The following PCDH17 variants were observed in gnomAD, a reference collection of about 807,000 sequenced individuals.
PCDH17 encodes the protein protocadherin-17.
PCDH17 carries 21 observed loss-of-function variants against 67.7 expected under a neutral mutation model. The ratio of observed to expected loss-of-function variants is 0.31; its 90% CI spans 0.22 to 0.45. The LOEUF (loss-of-function observed/expected upper bound fraction) is 0.45, where lower values mean the gene tolerates loss of function less well. Among genes scored for constraint, PCDH17 ranks in the 20% least tolerant of loss-of-function variants. The pLI is 1.00. For synonymous variants in PCDH17, 701 were observed against 656.7 expected (o/e 1.07, Z -1.03); for missense variants, 1,471 against 1,564.8 (o/e 0.94, Z 1.01).
At chr13:57,695,886 A>T (rs1201659432) in intron 3 of PCDH17, among the ~76,000 whole-genome samples, 1 of 151,358 alleles carries the variant, frequency 6.6e-6, no homozygotes, top group Admixed American at 6.6e-5. Context: ...TCTACCCGGG[A>T]TATATTGTTG....
chr13:57,665,760 C>CA (rs1368862829), intron 1 of PCDH17, among the ~76,000 whole-genome samples: 1 of 152,156 alleles, frequency 6.6e-6, no homozygotes. Context: ...AAAACAACCG[C>CA]AAAAACAAGC....
Position 57,632,383 on chromosome 13 carries a change from G to A in PCDH17, c.-164G>A, listed in dbSNP as rs1954736651. The A allele has an allele frequency of 4.5e-6, 3 of 661,138 alleles. No individual in the cohort carries two copies. The highest frequency in any genetic ancestry group is 3.6e-5 in the African/African-American group (2 of 54,804). The allele number at this position is 661,138 out of a possible 1,614,324, so 41.0% of individuals were successfully genotyped here. On this transcript the variant is annotated 5_prime_UTR_variant, in exon 1 of 4. Coordinates refer to ENST00000377918, the MANE Select transcript of PCDH17 (RefSeq NM_001040429.3). ...GTTCAGGGAACTTGAGCAGAATAAG[G>A]AGAGACCACCGGGTGCCGCAGCTCG...
chr13:57,659,047 ACT>A (rs1289282760), intron 1 of PCDH17, among the ~76,000 whole-genome samples: 1 of 150,034 alleles, frequency 6.7e-6, no homozygotes, highest in African/African-American at 2.5e-5. Flanking sequence ...ATATCTCATG[ACT>A]CTATCTATAA....
At chr13:57,695,654 A>G (rs1207413295) in intron 3 of PCDH17, among the ~76,000 whole-genome samples, 3 of 151,242 alleles carry the variant, frequency 2.0e-5, no homozygotes, top group Non-Finnish European at 4.5e-5. Context: ...TTCTGAAGAA[A>G]CATCAAATTA....
Position 57,704,118 on chromosome 13 carries a change from G to A in PCDH17, c.2798-20494G>A, listed in dbSNP as rs576318220. ...TTAGATACCTGTTCTCTGATTTCAA[G>A]ACTAAAATGAATAAGAATTCAGCTA... On this transcript the variant is annotated intron_variant, in intron 3 of 3. Transcript: ENST00000377918. Among the ~76,000 whole-genome samples, 5 of 152,152 alleles carry A rather than the reference G, an allele frequency of 3.3e-5. No individual in the cohort carries two copies. The East Asian group carries it at 9.7e-4, about 29-fold the overall frequency.
intron 3 of PCDH17, among the ~76,000 whole-genome samples, chr13:57,674,605 G>A (rs1955367023): frequency 6.6e-6 from 1 of 151,936 alleles, no homozygotes; most frequent in Admixed American, 6.6e-5. Flanking sequence ...GGGGTCACCA[G>A]TTAGAGCCAC....
chr13:57,698,481 C>T (rs545563048), intron 3 of PCDH17, among the ~76,000 whole-genome samples: 2 of 151,742 alleles, frequency 1.3e-5, no homozygotes, highest in East Asian at 1.9e-4. Flanking sequence ...GCTGCTTTCT[C>T]GATCCTTCCT....
Position 57,634,250 on chromosome 13 carries a change from G to A in PCDH17, c.1704G>A (p.Thr568=). ...CCGCGCACTTGGAGAGCAACGCCAC[G>A]GTGAGGGTGACAGTGCTAGACGTGA... ...GAPAHLESNA[T]VRVTVLDVND... is the part of the protein sequence containing the mutation. Residue 568 remains threonine, a synonymous_variant, in exon 1 of 4, where the codon ACG becomes ACA. Coordinates refer to ENST00000377918, the MANE Select transcript of PCDH17 (RefSeq NM_001040429.3). This position sits in a 1 kb window ranked among gnomAD's most constrained non-coding sequence, Gnocchi z 7.8. The A allele has an allele frequency of 6.2e-7, 1 of 1,613,268 alleles. No homozygotes were observed. The highest frequency in any genetic ancestry group is 8.5e-7 in the Non-Finnish European group (1 of 1,180,030).
rs756838637 is a variant in PCDH17 at position 57,651,430 on chromosome 13, C to G, written c.2566-15038C>G. On this transcript the variant is annotated intron_variant, in intron 1 of 3. Coordinates refer to ENST00000377918, the MANE Select transcript of PCDH17 (RefSeq NM_001040429.3). ...TGGCAGGAGTGCAGTGGCACGATCT[C>G]GGCTCATTGCAATCCTTTCACATCG... Among the ~76,000 whole-genome samples, 3 of 144,142 alleles carry G rather than the reference C, an allele frequency of 2.1e-5. No individual in the cohort carries two copies. The South Asian group carries it at 6.7e-4, about 32-fold the overall frequency. The allele number at this position is 144,142 out of a possible 152,430, so 94.6% of individuals were successfully genotyped here.
intron 3 of PCDH17, among the ~76,000 whole-genome samples, chr13:57,688,673 T>C (rs1046737545): frequency 2.6e-5 from 4 of 152,062 alleles, no homozygotes; most frequent in African/African-American, 9.7e-5. Flanking sequence ...AGCAGAAGAT[T>C]TGAAAGATTC....
At chr13:57,665,126 A>T (rs1020978836) in intron 1 of PCDH17, among the ~76,000 whole-genome samples, 1 of 152,080 alleles carries the variant, frequency 6.6e-6, no homozygotes, top group Non-Finnish European at 1.5e-5. Flanking sequence ...TACTTTGATA[A>T]ATGTCATTTG....
Position 57,634,494 on chromosome 13 carries a change from C to G in PCDH17, c.1948C>G (p.Pro650Ala). 6.2e-7 allele frequency: 1 copy of G among 1,612,912 alleles called. No individual in the cohort carries two copies. Among genetic ancestry groups the G allele is most frequent in the Non-Finnish European group, 8.5e-7 (1 of 1,179,986 alleles). ...CAGCGGCGAGATCCGCACGCTGCAC[C>G]CTTTCTGGGAGGACGTGACGCCCGT... Reference protein sequence around the residue: ...PSSGEIRTLHPFWEDVTPVVE... With the variant: ...PSSGEIRTLHAFWEDVTPVVE... The change falls in exon 1 of 4, where the codon CCT (proline) becomes GCT (alanine). Residue 650 changes from proline to alanine, a missense_variant. By Grantham distance (27) the Pro-to-Ala change is conservative (BLOSUM62 -1). Coordinates refer to ENST00000377918, the MANE Select transcript of PCDH17 (RefSeq NM_001040429.3). The surrounding 1 kb of genome is among the most constrained non-coding windows in gnomAD (Gnocchi z 7.8).
intron 1 of PCDH17, among the ~76,000 whole-genome samples, chr13:57,660,893 C>T (rs903343003): frequency 3.3e-5 from 5 of 152,128 alleles, no homozygotes; most frequent in South Asian, 2.1e-4. Context: ...TATTTTATTA[C>T]ACTTATGTAT....
At chr13:57,663,533 T>A (rs1051023384) in intron 1 of PCDH17, among the ~76,000 whole-genome samples, 1 of 152,170 alleles carries the variant, frequency 6.6e-6, no homozygotes, top group African/African-American at 2.4e-5. Context: ...TATTTTATAT[T>A]CAGATTATTT....
intron 1 of PCDH17, among the ~76,000 whole-genome samples, chr13:57,662,444 C>T (rs1363628134): frequency 6.6e-6 from 1 of 152,002 alleles, no homozygotes; most frequent in Non-Finnish European, 1.5e-5. Context: ...GTTCAGCATA[C>T]AGATCCTATA....
intron 3 of PCDH17, among the ~76,000 whole-genome samples, chr13:57,703,199 C>T (rs1254357047): frequency 6.6e-6 from 1 of 151,998 alleles, no homozygotes; most frequent in Non-Finnish European, 1.5e-5. Context: ...TTTTTTAAGC[C>T]ACATGACTTT....
intron 3 of PCDH17, among the ~76,000 whole-genome samples, chr13:57,712,855 C>T (rs1349627054): frequency 6.6e-6 from 1 of 151,290 alleles, no homozygotes; most frequent in Non-Finnish European, 1.5e-5. Flanking sequence ...GTTAAAATTA[C>T]CCTTTAGGAA....
chr13:57,691,266 AT>A (rs1955555733), intron 3 of PCDH17, among the ~76,000 whole-genome samples: 1 of 151,354 alleles, frequency 6.6e-6, no homozygotes, highest in Admixed American at 6.6e-5. Flanking sequence ...ATACATGACC[AT>A]TTTTATAGCA....
chr13:57,659,982 T>C (rs927894917), intron 1 of PCDH17, among the ~76,000 whole-genome samples: 1 of 152,114 alleles, frequency 6.6e-6, no homozygotes, highest in African/African-American at 2.4e-5. Context: ...CCTGTAATCT[T>C]AGCACTTTGG....
Sources: allele counts gnomAD v4.1 joint callset (sites outside exome capture counted in the v4.1 genomes callset), GRCh38; gene constraint gnomAD v4.1.1; non-coding constraint Gnocchi (gnomAD v3.1); transcripts MANE v1.5; gene names NCBI Gene and HGNC (gene_info 2026-07-23, HGNC 2026-07-21).